Variants in HIP1 observed in about 807,000 individuals in gnomAD.
HIP1 encodes huntingtin interacting protein 1, also known as huntingtin-interacting protein 1.
A neutral mutation model predicts 147.6 loss-of-function variants in HIP1; 65 were observed. The ratio of observed to expected loss-of-function variants is 0.44; its 90% CI spans 0.36 to 0.54. HIP1 has a LOEUF of 0.54. Ranked by LOEUF, HIP1 falls within the 20% of genes least tolerant of loss-of-function variation. The pLI, the probability that HIP1 is intolerant of heterozygous loss-of-function variation, is 0.00. For missense variants in HIP1, 1,061 were observed against 1,299.6 expected (o/e 0.82, Z 2.82); for synonymous variants, 479 against 504.0 (o/e 0.95, Z 0.67).
chr7:75,561,961 G>A (rs587716889), intron 12 of HIP1, 112 bp downstream of exon 12: 1 of 702,872 alleles, frequency 1.4e-6, no homozygotes, highest in South Asian at 1.7e-5. Context: ...AAGATGTTCT[G>A]TATCTAAGAA....
chr7:75,593,390 G>C (rs1796569752), intron 2 of HIP1, among the ~76,000 whole-genome samples: 1 of 152,050 alleles, frequency 6.6e-6, no homozygotes. Context: ...CAGCACTTTG[G>C]GGGGCCAAGG....
chr7:75,552,417 A>G (rs927228136), intron 22 of HIP1, among the ~76,000 whole-genome samples: 9 of 150,244 alleles, frequency 6.0e-5, no homozygotes, highest in African/African-American at 2.0e-4. Flanking sequence ...TGGCACAATC[A>G]TAGCTCACTG....
intron 1 of HIP1, among the ~76,000 whole-genome samples, chr7:75,724,597 A>C (rs1473247604): frequency 1.3e-5 from 2 of 152,198 alleles, no homozygotes; most frequent in Non-Finnish European, 2.9e-5. Flanking sequence ...CACCATGCCT[A>C]GCCATCGCCA....
At chr7:75,556,891 G>A (rs936315397) in intron 16 of HIP1, 80 bp from the exon 17 acceptor site, 16 of 866,682 alleles carry the variant, frequency 1.8e-5, no homozygotes, top group South Asian at 9.9e-5. Flanking sequence ...CGTCCCAAGC[G>A]ATCAACAAGA....
intron 1 of HIP1, among the ~76,000 whole-genome samples, chr7:75,649,252 G>A (rs781864446): frequency 5.3e-5 from 8 of 152,130 alleles, no homozygotes; most frequent in South Asian, 2.1e-4. Flanking sequence ...TCAAACTCCC[G>A]ACCTCAGATG....
chr7:75,669,300 G>A (rs1799664308), intron 1 of HIP1, among the ~76,000 whole-genome samples: 1 of 152,190 alleles, frequency 6.6e-6, no homozygotes, highest in Admixed American at 6.6e-5. Context: ...GTGAACCCGG[G>A]AGGTGGAGCT....
intron 1 of HIP1, among the ~76,000 whole-genome samples, chr7:75,606,692 G>C (rs1797237259): frequency 6.6e-6 from 1 of 152,134 alleles, no homozygotes; most frequent in Non-Finnish European, 1.5e-5. Context: ...TGAACAATGA[G>C]GCCAGGCGGC....
intron 1 of HIP1, among the ~76,000 whole-genome samples, chr7:75,664,275 T>C (rs564173914): frequency 5.9e-4 from 84 of 141,866 alleles, no homozygotes; most frequent in African/African-American, 2.1e-3. Flanking sequence ...TATACATACA[T>C]ATATACACAC....
At chr7:75,665,343 T>G (rs1284756094) in intron 1 of HIP1, among the ~76,000 whole-genome samples, 6 of 152,076 alleles carry the variant, frequency 3.9e-5, no homozygotes, top group African/African-American at 1.4e-4. Context: ...TAAATTTGAT[T>G]TTCTGTGTGA....
chr7:75,543,655 T>A (rs1474491464), intron 27 of HIP1, among the ~76,000 whole-genome samples: 1 of 152,130 alleles, frequency 6.6e-6, no homozygotes, highest in African/African-American at 2.4e-5. Context: ...ATTTGAACAC[T>A]AATAAAGAGG....
chr7:75,642,761 C>A (rs963703043), intron 1 of HIP1, among the ~76,000 whole-genome samples: 2 of 152,176 alleles, frequency 1.3e-5, no homozygotes, highest in Admixed American at 6.6e-5. Flanking sequence ...CCTGACCCAT[C>A]GGACACAGCC....
intron 1 of HIP1, among the ~76,000 whole-genome samples, chr7:75,628,352 G>A (rs1464468216): frequency 5.3e-5 from 8 of 152,108 alleles, no homozygotes; most frequent in Non-Finnish European, 1.0e-4. Context: ...GTACCATTTG[G>A]CAGAATTAGT....
rs587656219 is a variant in HIP1, at chr7:75,554,058, T to C, written c.2158+55A>G. On this transcript the variant is annotated intron_variant, in intron 21 of 30. Transcript: ENST00000336926. ...CTGCGCCCGGCCCAACAGAGACTTT[T>C]AAAGGCCCCCTGCTCCCCTGGTCCA... 1.1e-4 allele frequency: 156 copies of C among 1,398,738 alleles called. 1 individual carries two copies. In the East Asian group the frequency reaches 2.8e-3, roughly 25 times the overall value. The allele number at this position is 1,398,738 out of a possible 1,614,324, so 86.6% of individuals were successfully genotyped here.
intron 2 of HIP1, among the ~76,000 whole-genome samples, chr7:75,592,859 G>A (rs75584265): frequency 6.6e-6 from 1 of 152,184 alleles, no homozygotes; most frequent in Non-Finnish European, 1.5e-5. Flanking sequence ...TTGAGAGAGA[G>A]GTGTGTCTTT....
rs782046303 is a variant in HIP1, at chr7:75,556,093, C to T, written c.1760G>A (p.Arg587Lys). The change falls in exon 18 of 31, where the codon AGG (arginine) becomes AAG (lysine). Residue 587 changes from arginine (R) to lysine (K), a missense_variant. Arg to Lys is a conservative substitution (Grantham distance 26, BLOSUM62 2). Coordinates refer to ENST00000336926, the MANE Select transcript of HIP1 (RefSeq NM_005338.7). ...CCGAAGAGCAGATAATTCCTCCTCC[C>T]TATGAGCTGCGCCACTCACCAGGCT... ...RDSLVSGAAH[R>K]EEELSALRKE... The T allele has an allele frequency of 6.8e-6, 11 of 1,614,204 alleles. No homozygotes were observed. The South Asian group carries it at 9.9e-5, about 14-fold the overall frequency.
intron 1 of HIP1, among the ~76,000 whole-genome samples, chr7:75,717,474 T>C (rs1357787491): frequency 6.6e-6 from 1 of 151,934 alleles, no homozygotes; most frequent in Non-Finnish European, 1.5e-5. Flanking sequence ...AGTAAGTGAA[T>C]GTTGGATCTT....
In HIP1 at chr7:75,608,604, G is replaced by A. The variant is rs587770823; in HGVS notation, c.121-9357C>T. Among the ~76,000 whole-genome samples, 70 of 152,292 alleles carry A rather than the reference G, an allele frequency of 4.6e-4. 1 individual carries two copies. Among genetic ancestry groups the A allele is most frequent in the Non-Finnish European group, 3.2e-4 (22 of 68,032 alleles). On this transcript the variant is annotated intron_variant, in intron 1 of 30. Coordinates refer to ENST00000336926, the MANE Select transcript of HIP1 (RefSeq NM_005338.7). The stretch of plus-strand genomic sequence containing the variant: ...TAGAGAAATATCAGTATTCTGAAGC[G>A]TGACCATCTGGAAGCAGGAAAAACT...
intron 1 of HIP1, among the ~76,000 whole-genome samples, chr7:75,731,478 C>CAAAA (rs1214036700): frequency 1.9e-4 from 7 of 36,302 alleles, no homozygotes; most frequent in Admixed American, 3.0e-4. Context: ...GACTCCAACT[C>CAAAA]AAAAAAAAAA....
chr7:75,561,244 G>A (rs1189357761), intron 13 of HIP1, 85 bp downstream of exon 13: 11 of 997,636 alleles, frequency 1.1e-5, no homozygotes, highest in Non-Finnish European at 1.6e-5. Flanking sequence ...GTGAGCCACT[G>A]TGCCTGGCTA....
Sources: allele counts gnomAD v4.1 joint callset (sites outside exome capture counted in the v4.1 genomes callset), GRCh38; gene constraint gnomAD v4.1.1; transcripts MANE v1.5; gene names NCBI Gene and HGNC (gene_info 2026-07-23, HGNC 2026-07-21).